CEP170: variants seen among roughly 807,000 people sequenced by gnomAD.
CEP170 encodes centrosomal protein of 170 kDa.
Under a neutral mutation model 151.9 loss-of-function variants are expected in CEP170, and 21 were observed. The ratio of observed to expected loss-of-function variants is 0.14; its 90% CI spans 0.10 to 0.20. The LOEUF is 0.20. CEP170 is among the 10% of genes least tolerant of loss of function. The pLI is 1.00. For missense variants in CEP170, 964 were observed against 1,892.9 expected, an observed-to-expected ratio of 0.51 and a Z score of 9.11; for synonymous variants, 356 against 648.8, an observed-to-expected ratio of 0.55 and a Z score of 6.86.
At chr1:243,234,236 C>T (rs2064055887) in intron 1 of CEP170, among the ~76,000 whole-genome samples, 1 of 152,228 alleles carries the variant, frequency 6.6e-6, no homozygotes, top group Non-Finnish European at 1.5e-5. Context: ...ATCGTCTACA[C>T]AGTAGGAAAT....
At chr1:243,243,682 C>A (rs1017992302) in intron 1 of CEP170, among the ~76,000 whole-genome samples, 1 of 151,976 alleles carries the variant, frequency 6.6e-6, no homozygotes, top group African/African-American at 2.4e-5. Flanking sequence ...CACCACCATG[C>A]CCAGCTCATT....
intron 13 of CEP170, among the ~76,000 whole-genome samples, chr1:243,164,018 T>C (rs1045792409): frequency 5.9e-5 from 9 of 152,168 alleles, no homozygotes; most frequent in African/African-American, 2.2e-4. Context: ...AACTCCTAAA[T>C]CAGCTCAATG....
chr1:243,194,062 C>T (rs1482369112), intron 7 of CEP170, among the ~76,000 whole-genome samples: 1 of 151,804 alleles, frequency 6.6e-6, no homozygotes, highest in African/African-American at 2.4e-5. Context: ...TATTCATAAA[C>T]ATTACTAACA....
At chr1:243,176,490 C>T (rs1188658678) in intron 10 of CEP170, among the ~76,000 whole-genome samples, 1 of 130,696 alleles carries the variant, frequency 7.7e-6, no homozygotes, top group East Asian at 2.3e-4. Context: ...AGATACATCT[C>T]TGTGGAGTGA....
chr1:243,241,410 A>G (rs1206739375), intron 1 of CEP170, among the ~76,000 whole-genome samples: 1 of 152,260 alleles, frequency 6.6e-6, no homozygotes, highest in African/African-American at 2.4e-5. Context: ...CATGATAAGA[A>G]TGCTTCACCT....
chr1:243,248,604 G>C (rs1049998187), intron 1 of CEP170, among the ~76,000 whole-genome samples: 2 of 152,100 alleles, frequency 1.3e-5, no homozygotes, highest in African/African-American at 4.8e-5. Context: ...ACTCTCTAAA[G>C]CCAGAAACTA....
chr1:243,167,881 C>G (rs1002247992), intron 12 of CEP170, among the ~76,000 whole-genome samples: 4 of 151,650 alleles, frequency 2.6e-5, no homozygotes, highest in African/African-American at 9.7e-5. Flanking sequence ...TCATACTGCC[C>G]CCTCCTCATA....
At chr1:243,148,226 T>C (rs1368962231) in intron 14 of CEP170, among the ~76,000 whole-genome samples, 2 of 151,476 alleles carry the variant, frequency 1.3e-5, no homozygotes, top group Non-Finnish European at 2.9e-5. Context: ...AAAGGAGACA[T>C]AGACAAATTT....
At chr1:243,143,991 T>A (rs1471081661) in intron 14 of CEP170, among the ~76,000 whole-genome samples, 1 of 152,214 alleles carries the variant, frequency 6.6e-6, no homozygotes, top group East Asian at 1.9e-4. Context: ...CAATTTATGG[T>A]CAATATATAA....
At chr1:243,170,757 G>A (rs2058781236) in intron 11 of CEP170, among the ~76,000 whole-genome samples, 1 of 152,248 alleles carries the variant, frequency 6.6e-6, no homozygotes, top group Non-Finnish European at 1.5e-5. Flanking sequence ...TGGCACCACT[G>A]CACTCCAGCC....
At chr1:243,175,007 C>T (rs373429030) in intron 10 of CEP170, 1 of 152,200 alleles carries the variant, frequency 6.6e-6, no homozygotes, top group South Asian at 2.1e-4. Context: ...GTTAAAATAA[C>T]CACATGAGTA....
intron 1 of CEP170, among the ~76,000 whole-genome samples, chr1:243,232,440 C>T (rs2063845258): frequency 6.6e-6 from 1 of 152,178 alleles, no homozygotes; most frequent in East Asian, 1.9e-4. Context: ...ATTCCCATTC[C>T]CCCAGGGCAG....
At chr1:243,200,337 A>C (rs1201473825) in intron 6 of CEP170, among the ~76,000 whole-genome samples, 181 bp downstream of exon 6, 1 of 152,160 alleles carries the variant, frequency 6.6e-6, no homozygotes, top group Non-Finnish European at 1.5e-5. Context: ...TATAACTGCT[A>C]TATATAATTA....
chr1:243,224,720 G>A (rs375775211), intron 2 of CEP170, among the ~76,000 whole-genome samples: 6 of 152,178 alleles, frequency 3.9e-5, no homozygotes, highest in East Asian at 3.9e-4. Flanking sequence ...ATAACATCAC[G>A]TTGTATACCT....
chr1:243,203,497 CAG>C (rs1033611677), intron 4 of CEP170, among the ~76,000 whole-genome samples: 1 of 151,996 alleles, frequency 6.6e-6, no homozygotes, highest in African/African-American at 2.4e-5. Flanking sequence ...AAATAAAAAA[CAG>C]AGCGAAACTT....
intron 4 of CEP170, among the ~76,000 whole-genome samples, chr1:243,202,484 T>C (rs539684856): frequency 2.0e-5 from 3 of 152,188 alleles, no homozygotes; most frequent in South Asian, 4.1e-4. Context: ...AAAATGTGAT[T>C]AAGCTATTAT....
chr1:243,231,190 CATT>C (rs201548693), intron 1 of CEP170, among the ~76,000 whole-genome samples: 46,721 of 124,240 alleles, frequency 0.38, 8,578 homozygotes, highest in East Asian at 0.54. Flanking sequence ...TCATCATCAT[CATT>C]ATTATTATTA....
chr1:243,205,503 G>A (rs1291135786), intron 4 of CEP170, among the ~76,000 whole-genome samples: 1 of 152,200 alleles, frequency 6.6e-6, no homozygotes, highest in Non-Finnish European at 1.5e-5. Context: ...CAACAAAACA[G>A]CCTGAGGACC....
intron 4 of CEP170, among the ~76,000 whole-genome samples, chr1:243,206,523 A>G (rs1382087246): frequency 6.6e-6 from 1 of 152,260 alleles, no homozygotes; most frequent in Non-Finnish European, 1.5e-5. Context: ...AGTACAAGAA[A>G]TGTTGAAGGA....
Sources: allele counts gnomAD v4.1 joint callset (sites outside exome capture counted in the v4.1 genomes callset), GRCh38; gene constraint gnomAD v4.1.1; transcripts MANE v1.5; gene names NCBI Gene and HGNC (gene_info 2026-07-23, HGNC 2026-07-21).